Variants in DLG2 observed in about 807,000 individuals in gnomAD.
DLG2 encodes discs large MAGUK scaffold protein 2.
Under a neutral mutation model 132.5 loss-of-function variants are expected in DLG2, and 45 were observed. That is an observed-to-expected ratio of 0.34 (90% CI 0.27 to 0.44). The LOEUF (loss-of-function observed/expected upper bound fraction) is 0.44. Among genes scored for constraint, DLG2 ranks in the 20% least tolerant of loss-of-function variants. DLG2 has a pLI of 1.00. For missense variants in DLG2, 1,045 were observed against 1,196.9 expected, an observed-to-expected ratio of 0.87 and a Z score of 1.87; for synonymous variants, 424 against 419.6, an observed-to-expected ratio of 1.01 and a Z score of -0.13.
intron 6 of DLG2, among the ~76,000 whole-genome samples, chr11:85,048,310 C>T (rs917164383): frequency 2.2e-4 from 34 of 151,946 alleles, no homozygotes; most frequent in African/African-American, 6.5e-4. Context: ...AGGCTTAAAT[C>T]GCTTAGAAAT....
intron 6 of DLG2, among the ~76,000 whole-genome samples, chr11:84,980,260 T>C (rs762370187): frequency 6.6e-6 from 1 of 152,140 alleles, no homozygotes; most frequent in Non-Finnish European, 1.5e-5. Flanking sequence ...ATTAATACAA[T>C]AAGATGTAGG....
rs75548827 is a variant in DLG2, at chr11:84,206,213, C to T, written c.574-42702G>A. On this transcript the variant is annotated intron_variant, in intron 8 of 27. Transcript: ENST00000376104. ...TAGTCCTGTATAGTCTTGTATAGTC[C>T]TGAATCGTCCTGCATCTGTTGAAAA... Among the ~76,000 whole-genome samples, 1,227 of 152,096 alleles carry T rather than the reference C, an allele frequency of 8.1e-3. 10 individuals are homozygous for T. Among genetic ancestry groups the T allele is most frequent in the Non-Finnish European group, 0.014 (937 of 67,918 alleles).
chr11:84,606,438 C>A (rs10466699), intron 6 of DLG2, among the ~76,000 whole-genome samples: 40,518 of 151,970 alleles, frequency 0.27, 6,097 homozygotes, highest in African/African-American at 0.4. Context: ...TGGTGGACCT[C>A]TTCTAAATAT....
At chr11:85,074,998 G>A (rs895006533) in intron 6 of DLG2, among the ~76,000 whole-genome samples, 1 of 151,876 alleles carries the variant, frequency 6.6e-6, no homozygotes, top group Non-Finnish European at 1.5e-5. Context: ...AGAACTAAAA[G>A]GGGAGGCAGG....
chr11:83,655,121 A>C (rs76157814), intron 18 of DLG2, among the ~76,000 whole-genome samples: 2,545 of 152,308 alleles, frequency 0.017, 71 homozygotes, highest in African/African-American at 0.058. Flanking sequence ...TTTACTCTCC[A>C]GTTGTATTGT....
At chr11:85,101,098 T>C (rs1156987011) in intron 6 of DLG2, among the ~76,000 whole-genome samples, 1 of 152,098 alleles carries the variant, frequency 6.6e-6, no homozygotes, top group Non-Finnish European at 1.5e-5. Flanking sequence ...CAGAACCAAA[T>C]TATATCATAA....
intron 4 of DLG2, among the ~76,000 whole-genome samples, chr11:85,257,542 G>C (rs1042276209): frequency 2.6e-5 from 4 of 152,126 alleles, no homozygotes; most frequent in Admixed American, 6.5e-5. Flanking sequence ...TGACAACAAA[G>C]TGATTAGAAT....
chr11:84,057,838 T>G (rs977982335), intron 11 of DLG2, among the ~76,000 whole-genome samples: 8 of 152,174 alleles, frequency 5.3e-5, no homozygotes, highest in African/African-American at 1.9e-4. Flanking sequence ...CCAGAGAGGT[T>G]AAGCAATTTG....
At chr11:85,500,716 G>C (rs1263502108) in intron 3 of DLG2, among the ~76,000 whole-genome samples, 1 of 152,152 alleles carries the variant, frequency 6.6e-6, no homozygotes, top group Non-Finnish European at 1.5e-5. Context: ...TATAAGAGAT[G>C]TGAAGGACCT....
At chr11:85,118,851 C>T (rs112102358) in intron 5 of DLG2, among the ~76,000 whole-genome samples, 290 of 151,838 alleles carry the variant, frequency 1.9e-3, no homozygotes, top group African/African-American at 6.7e-3. Flanking sequence ...AAAAATAAAA[C>T]CTAGCTTAAG....
intron 20 of DLG2, among the ~76,000 whole-genome samples, chr11:83,534,742 G>A (rs986794982): frequency 2.6e-5 from 4 of 152,112 alleles, no homozygotes; most frequent in Non-Finnish European, 4.4e-5. Context: ...TTCGAGACCC[G>A]CCTGGCCAAC....
Position 85,150,010 on chromosome 11 carries a change from A to ATTTTTTTTTTTTTT in DLG2, c.282+4532_282+4545dup, listed in dbSNP as rs962380618. On this transcript the variant is annotated intron_variant, in intron 5 of 27. Transcript: ENST00000376104. ...ATTAACTCAAAAACATCAGTTTTTA[A>ATTTTTTTTTTTTTT]TTTTTTTTTTTTTTTTTTTTTTTTT... Among the ~76,000 whole-genome samples the ATTTTTTTTTTTTTT allele has an allele frequency of 5.6e-3, 627 of 112,300 alleles. 17 individuals are homozygous for ATTTTTTTTTTTTTT. Among genetic ancestry groups the ATTTTTTTTTTTTTT allele is most frequent in the Non-Finnish European group, 7.6e-3 (426 of 56,360 alleles). 73.7% of individuals were successfully genotyped at this position (112,300 alleles called of 152,430 possible). A position where few individuals can be genotyped will look rare whatever the true frequency, so the allele number is the denominator to read the frequency against.
chr11:85,487,197 T>C (rs1321749879), intron 3 of DLG2, among the ~76,000 whole-genome samples: 1 of 151,490 alleles, frequency 6.6e-6, no homozygotes, highest in East Asian at 1.9e-4. Context: ...TCAGAAAAAT[T>C]GGAAGAAGTG....
chr11:83,769,289 G>T (rs771850537), intron 18 of DLG2, among the ~76,000 whole-genome samples: 1 of 152,040 alleles, frequency 6.6e-6, no homozygotes, highest in African/African-American at 2.4e-5. Flanking sequence ...TGATGCTTAG[G>T]CTTAAAAATA....
chr11:85,273,137 A>C (rs572297247), intron 4 of DLG2, among the ~76,000 whole-genome samples: 9 of 152,330 alleles, frequency 5.9e-5, no homozygotes, highest in African/African-American at 2.2e-4. Context: ...ATTAGACCTA[A>C]AACCATAAAA....
intron 6 of DLG2, among the ~76,000 whole-genome samples, chr11:84,668,177 C>T (rs887581318): frequency 6.6e-6 from 1 of 152,058 alleles, no homozygotes; most frequent in African/African-American, 2.4e-5. Context: ...ATTTGTGCCC[C>T]TATCTCCAGA....
At chr11:85,191,527 A>G (rs1167206341) in intron 4 of DLG2, among the ~76,000 whole-genome samples, 1 of 152,172 alleles carries the variant, frequency 6.6e-6, no homozygotes, top group Non-Finnish European at 1.5e-5. Flanking sequence ...ACGCTCTCAG[A>G]AGAATTCATG....
At chr11:84,371,788 G>T (rs189480387) in intron 7 of DLG2, among the ~76,000 whole-genome samples, 1 of 151,972 alleles carries the variant, frequency 6.6e-6, no homozygotes, top group Non-Finnish European at 1.5e-5. Context: ...TTTTGTAAAC[G>T]TACTTTAAAT....
chr11:83,977,809 G>A (rs2092407542), intron 12 of DLG2, among the ~76,000 whole-genome samples: 1 of 152,010 alleles, frequency 6.6e-6, no homozygotes, highest in Non-Finnish European at 1.5e-5. Flanking sequence ...AGAATCCTGG[G>A]ATTATCTGAA....
Sources: gnomAD v4.1 joint callset for allele counts (sites outside exome capture counted in the v4.1 genomes callset) on GRCh38, gnomAD v4.1.1 for gene constraint, MANE v1.5 for transcripts, NCBI Gene and HGNC (gene_info 2026-07-23, HGNC 2026-07-21) for gene names.